Variants in NAV1 observed in about 807,000 individuals in gnomAD.
The protein encoded by NAV1 is neuron navigator 1.
In NAV1, 18 loss-of-function variants were observed where a neutral mutation model predicts 175.2. The ratio of observed to expected loss-of-function variants is 0.10; its 90% confidence interval spans 0.07 to 0.15. The LOEUF is 0.15. NAV1 is among the 10% of genes least tolerant of loss of function. The pLI is 1.00. For synonymous variants in NAV1, 897 were observed against 978.7 expected, an observed-to-expected ratio of 0.92 and a Z score of 1.56; for missense variants, 1,731 against 2,436.6, an observed-to-expected ratio of 0.71 and a Z score of 6.10.
At chr1:201,689,530 C>G (rs976497992) in intron 1 of NAV1, among the ~76,000 whole-genome samples, 3 of 152,184 alleles carry the variant, frequency 2.0e-5, no homozygotes, top group Non-Finnish European at 4.4e-5. Flanking sequence ...GCAAAAGGGA[C>G]AGGATGGACA....
intron 2 of NAV1, among the ~76,000 whole-genome samples, chr1:201,612,336 G>A (rs961338922): frequency 1.3e-5 from 2 of 152,128 alleles, no homozygotes; most frequent in African/African-American, 4.8e-5. Flanking sequence ...TGCCTGTGGT[G>A]CCAGCTACTC....
intron 1 of NAV1, among the ~76,000 whole-genome samples, chr1:201,704,229 T>C (rs900337799): frequency 6.6e-6 from 1 of 152,028 alleles, no homozygotes; most frequent in Non-Finnish European, 1.5e-5. Context: ...GCCCTAGGAG[T>C]GCAGAGTCCT....
At chr1:201,784,397 A>G (rs1304707051) in intron 7 of NAV1, among the ~76,000 whole-genome samples, 2 of 152,116 alleles carry the variant, frequency 1.3e-5, no homozygotes, top group Non-Finnish European at 2.9e-5. Flanking sequence ...ACCTCAAGTG[A>G]TCTGCCTACA....
intron 1 of NAV1, among the ~76,000 whole-genome samples, chr1:201,651,061 C>T (rs1441862545): frequency 1.3e-5 from 2 of 150,648 alleles, no homozygotes; most frequent in Admixed American, 1.3e-4. Context: ...CAAAATGCAA[C>T]TGGCCCATGT....
intron 2 of NAV1, among the ~76,000 whole-genome samples, chr1:201,642,331 GC>G (rs796153179): frequency 2.6e-5 from 4 of 151,806 alleles, no homozygotes; most frequent in African/African-American, 9.7e-5. Context: ...TCCTGCCTCA[GC>G]CTCCCAAGTA....
chr1:201,597,144 C>A (rs947647334), intron 2 of NAV1, among the ~76,000 whole-genome samples: 1 of 152,038 alleles, frequency 6.6e-6, no homozygotes. Flanking sequence ...TGGGTTTTAA[C>A]AAGGGAGAAG....
At chr1:201,649,525 C>A (rs976370386) in intron 1 of NAV1, 100 bp downstream of exon 5, 27 of 1,430,776 alleles carry the variant, frequency 1.9e-5, no homozygotes, top group African/African-American at 4.3e-5. Context: ...TTGCGCCTTC[C>A]CGGAGGGCCC....
At chr1:201,773,742 T>C (rs1012561982) in intron 3 of NAV1, among the ~76,000 whole-genome samples, 1 of 152,180 alleles carries the variant, frequency 6.6e-6, no homozygotes, top group South Asian at 2.1e-4. Flanking sequence ...GTAGACTAGA[T>C]GATATGAGGA....
At chr1:201,642,922 A>C (rs952304041) in intron 2 of NAV1, among the ~76,000 whole-genome samples, 2 of 150,816 alleles carry the variant, frequency 1.3e-5, no homozygotes, top group Non-Finnish European at 3.0e-5. Context: ...GGCGCCCACC[A>C]CCACACCTAG....
chr1:201,817,569 G>A (rs1679128430), intron 29 of NAV1, among the ~76,000 whole-genome samples: 1 of 152,198 alleles, frequency 6.6e-6, no homozygotes, highest in Non-Finnish European at 1.5e-5. Context: ...ACCAGGCTAA[G>A]GCCAGTGAGG....
At chr1:201,614,611 G>T (rs562635597) in intron 2 of NAV1, among the ~76,000 whole-genome samples, 3 of 152,364 alleles carry the variant, frequency 2.0e-5, no homozygotes, top group African/African-American at 7.2e-5. Context: ...TTGCTCTGGG[G>T]TTTGCAGAGC....
intron 1 of NAV1, among the ~76,000 whole-genome samples, chr1:201,651,216 A>G (rs1444762538): frequency 6.6e-6 from 1 of 151,150 alleles, no homozygotes; most frequent in African/African-American, 2.4e-5. Flanking sequence ...GGCACAGAAT[A>G]GCAGAAGGCA....
chr1:201,754,408 A>G (rs932163921), intron 3 of NAV1, among the ~76,000 whole-genome samples: 2 of 152,242 alleles, frequency 1.3e-5, no homozygotes, highest in African/African-American at 4.8e-5. Context: ...AAGAATTTCA[A>G]GGAGTGACTG....
intron 1 of NAV1, among the ~76,000 whole-genome samples, chr1:201,689,423 C>T (rs554743138): frequency 1.3e-5 from 2 of 152,260 alleles, no homozygotes; most frequent in African/African-American, 2.4e-5. Flanking sequence ...AGGATACATC[C>T]ATTGTGTATC....
intron 3 of NAV1, among the ~76,000 whole-genome samples, chr1:201,746,755 C>T (rs974912191): frequency 6.6e-6 from 1 of 152,096 alleles, no homozygotes; most frequent in African/African-American, 2.4e-5. Flanking sequence ...AATCCCAGCA[C>T]TTTGGGAGGC....
At chr1:201,793,661 C>G in intron 13 of NAV1, 131 bp from the exon 18 acceptor site, 3 of 715,358 alleles carry the variant, frequency 4.2e-6, no homozygotes, top group Non-Finnish European at 7.0e-6. Flanking sequence ...ATTTTTTTAA[C>G]CACCAAGAGG....
intron 1 of NAV1, among the ~76,000 whole-genome samples, chr1:201,708,210 G>A (rs1303419205): frequency 1.3e-5 from 2 of 152,188 alleles, no homozygotes; most frequent in Non-Finnish European, 2.9e-5. Context: ...CTATGCTGCT[G>A]TTTGTGGTAA....
chr1:201,575,751 C>T (rs41497348), intron 1 of NAV1, among the ~76,000 whole-genome samples: 7,690 of 151,994 alleles, frequency 0.051, 220 homozygotes, highest in Middle Eastern at 0.071. Context: ...AAGTGTTTCT[C>T]GAGTTTATTA....
intron 1 of NAV1, among the ~76,000 whole-genome samples, chr1:201,573,791 TG>T (rs1362750200): frequency 6.0e-5 from 9 of 149,312 alleles, no homozygotes; most frequent in African/African-American, 2.3e-4. Flanking sequence ...CTGTGGGCAT[TG>T]TGTCCAAAAA....
Sources: allele counts gnomAD v4.1 joint callset (sites outside exome capture counted in the v4.1 genomes callset), GRCh38; gene constraint gnomAD v4.1.1; transcripts MANE v1.5; gene names NCBI Gene and HGNC (gene_info 2026-07-23, HGNC 2026-07-21).